HPSE2: variants seen among roughly 807,000 people sequenced by gnomAD.
HPSE2 encodes the protein inactive heparanase-2.
In HPSE2, 38 loss-of-function variants were observed where a neutral mutation model predicts 60.5. The ratio of observed to expected loss-of-function variants is 0.63; its 90% CI spans 0.48 to 0.82. The LOEUF is 0.82. Ranked by LOEUF, HPSE2 falls within the 40% of genes least tolerant of loss-of-function variation. The pLI, the probability that HPSE2 is intolerant of heterozygous loss-of-function variation, is 0.00. For synonymous variants in HPSE2, 295 were observed against 293.2 expected (o/e 1.01, Z -0.06); for missense variants, 713 against 740.4 (o/e 0.96, Z 0.43).
chr10:99,299,317 G>T, the HPSE2 span, among the ~76,000 whole-genome samples: 2 of 152,132 alleles, frequency 1.3e-5, no homozygotes, highest in Non-Finnish European at 2.9e-5. Context: ...CCCCTAAATT[G>T]AACTTGTGTC....
chr10:98,694,657 G>A (rs1006996705), intron 5 of HPSE2, among the ~76,000 whole-genome samples: 2 of 152,184 alleles, frequency 1.3e-5, no homozygotes, highest in Non-Finnish European at 2.9e-5. Flanking sequence ...GAGGCTTCAG[G>A]AAAATCAATA....
At chr10:99,225,607 A>T (rs182574137) in intron 2 of HPSE2, among the ~76,000 whole-genome samples, 1 of 152,090 alleles carries the variant, frequency 6.6e-6, no homozygotes, top group South Asian at 2.1e-4. Flanking sequence ...AACCTTGACA[A>T]ATGCAGTTAT....
chr10:98,882,798 T>C (rs1953060665), intron 3 of HPSE2, among the ~76,000 whole-genome samples: 1 of 151,670 alleles, frequency 6.6e-6, no homozygotes, highest in South Asian at 2.1e-4. Context: ...TCTAGCCCAG[T>C]GCTCTACACG....
At chr10:99,153,005 A>G (rs1846342932) in intron 2 of HPSE2, among the ~76,000 whole-genome samples, 2 of 152,246 alleles carry the variant, frequency 1.3e-5, no homozygotes, top group African/African-American at 4.8e-5. Context: ...GCACCTGGAA[A>G]ATCGGGTCAA....
At chr10:98,751,007 A>G (rs1949745106) in intron 3 of HPSE2, among the ~76,000 whole-genome samples, 1 of 152,134 alleles carries the variant, frequency 6.6e-6, no homozygotes, top group South Asian at 2.1e-4. Flanking sequence ...TCATTAAAGT[A>G]GCTTAGTTTC....
chr10:99,026,557 A>T (rs75677502), intron 3 of HPSE2, among the ~76,000 whole-genome samples: 2,322 of 152,290 alleles, frequency 0.015, 28 homozygotes, highest in Non-Finnish European at 0.022. Context: ...TCAGCATTGG[A>T]CAGATATTCC....
intron 7 of HPSE2, among the ~76,000 whole-genome samples, chr10:98,621,989 C>A (rs937174105): frequency 6.6e-6 from 1 of 152,138 alleles, no homozygotes; most frequent in African/African-American, 2.4e-5. Flanking sequence ...TCCTATGGCC[C>A]CCCAGCTACT....
At chr10:98,490,914 C>T (rs1051653451) in intron 9 of HPSE2, among the ~76,000 whole-genome samples, 1 of 152,090 alleles carries the variant, frequency 6.6e-6, no homozygotes, top group Admixed American at 6.5e-5. Flanking sequence ...TTACAAAAAC[C>T]CACCTTAATT....
At chr10:99,140,188 C>T (rs1171137856) in intron 3 of HPSE2, among the ~76,000 whole-genome samples, 1 of 152,162 alleles carries the variant, frequency 6.6e-6, no homozygotes, top group Non-Finnish European at 1.5e-5. Context: ...TGGGCCACAA[C>T]TGGAAGTGGA....
In HPSE2 at chr10:98,848,652, C is replaced by T. The variant is rs190145476; in HGVS notation, c.611-104596G>A. Among the ~76,000 whole-genome samples, 26 of 152,212 alleles carry T rather than the reference C, an allele frequency of 1.7e-4. No homozygotes were observed. The East Asian group carries it at 5.0e-3, about 29-fold the overall frequency. On this transcript the variant is annotated intron_variant, in intron 3 of 11. Transcript: ENST00000370552. ...ACTGCTCTATTCCTTATTTCTGAGG[C>T]CATGGAAATGAGTGAAATGAGTGAG...
At chr10:98,666,480 C>G (rs933534475) in intron 6 of HPSE2, among the ~76,000 whole-genome samples, 1 of 152,140 alleles carries the variant, frequency 6.6e-6, no homozygotes, top group African/African-American at 2.4e-5. Flanking sequence ...ACAGCATATA[C>G]ATTTTTCTCA....
chr10:98,595,042 T>A (rs542022228), intron 9 of HPSE2, among the ~76,000 whole-genome samples: 1 of 152,186 alleles, frequency 6.6e-6, no homozygotes, highest in Non-Finnish European at 1.5e-5. Context: ...ACAAGAGATC[T>A]TTCCATTTAT....
chr10:98,459,836 A>G (rs1940208303), intron 11 of HPSE2, 97 bp from the exon 12 acceptor site: 2 of 1,124,328 alleles, frequency 1.8e-6, no homozygotes, highest in Non-Finnish European at 2.6e-6. Context: ...TGTCTGATAC[A>G]CACACACAGC....
chr10:98,942,302 A>C (rs1481098687), intron 3 of HPSE2, among the ~76,000 whole-genome samples: 1 of 143,462 alleles, frequency 7.0e-6, no homozygotes, highest in East Asian at 2.0e-4. Context: ...AAACCTATAA[A>C]ATGGGAGAAA....
chr10:99,203,109 C>T (rs1476393852), intron 2 of HPSE2, among the ~76,000 whole-genome samples: 1 of 152,134 alleles, frequency 6.6e-6, no homozygotes, highest in African/African-American at 2.4e-5. Flanking sequence ...ATTCAGTCTC[C>T]AGGCCCATCC....
upstream of HPSE2, among the ~76,000 whole-genome samples, chr10:99,236,050 G>C (rs1393068431): frequency 7.0e-6 from 1 of 143,620 alleles, no homozygotes; most frequent in African/African-American, 2.6e-5. Flanking sequence ...TTTGGTGCTG[G>C]TGGAGCGAAC....
chr10:98,741,540 G>A (rs963364364), intron 4 of HPSE2, among the ~76,000 whole-genome samples: 6 of 141,516 alleles, frequency 4.2e-5, no homozygotes, highest in Non-Finnish European at 6.2e-5. Context: ...ACCCACCCCC[G>A]CCACAAAATC....
chr10:98,528,450 C>A (rs1008807199), intron 9 of HPSE2, among the ~76,000 whole-genome samples: 1 of 151,962 alleles, frequency 6.6e-6, no homozygotes, highest in African/African-American at 2.4e-5. Context: ...GGAGGCAGAG[C>A]TGGAATTACA....
At chr10:98,867,197 A>G (rs1174770097) in intron 3 of HPSE2, among the ~76,000 whole-genome samples, 2 of 152,110 alleles carry the variant, frequency 1.3e-5, no homozygotes, top group East Asian at 1.9e-4. Flanking sequence ...TTCAGACTAA[A>G]AGGGAATAAA....
Sources: allele counts gnomAD v4.1 joint callset (sites outside exome capture counted in the v4.1 genomes callset), GRCh38; gene constraint gnomAD v4.1.1; transcripts MANE v1.5; gene names NCBI Gene and HGNC (gene_info 2026-07-23, HGNC 2026-07-21).